The following DLEU7 variants were observed in gnomAD, a reference collection of about 807,000 sequenced individuals.
The protein encoded by DLEU7 is leukemia-associated protein 7.
Under a neutral mutation model 16.0 loss-of-function variants are expected in DLEU7, and 17 were observed. That is an observed-to-expected ratio of 1.06 (90% CI 0.73 to 1.59). DLEU7 has a LOEUF of 1.59. DLEU7 is among the 40% of genes most tolerant of loss of function. The probability of loss-of-function intolerance (pLI) is 0.00; values close to 1 mark genes in which losing one functional copy is unlikely to be tolerated. For synonymous variants in DLEU7, 113 were observed against 139.8 expected (o/e 0.81, Z 1.35); for missense variants, 308 against 314.9 (o/e 0.98, Z 0.17).
chr13:50,835,777 T>A (rs984105122), intron 1 of DLEU7, among the ~76,000 whole-genome samples: 2 of 152,252 alleles, frequency 1.3e-5, no homozygotes, highest in African/African-American at 4.8e-5. Context: ...TTATTAGGAA[T>A]GCACACATCT....
intron 1 of DLEU7, among the ~76,000 whole-genome samples, chr13:50,719,112 A>C (rs1873521017): frequency 6.6e-6 from 1 of 152,226 alleles, no homozygotes; most frequent in Non-Finnish European, 1.5e-5. Flanking sequence ...ATTTGGGAAT[A>C]ATAAAATAAA....
chr13:50,817,137 T>G (rs1876758798), intron 1 of DLEU7, among the ~76,000 whole-genome samples: 1 of 152,056 alleles, frequency 6.6e-6, no homozygotes, highest in African/African-American at 2.4e-5. Context: ...AAAAAGAAAA[T>G]AAAGCCGTGA....
intron 1 of DLEU7, among the ~76,000 whole-genome samples, chr13:50,752,178 A>T (rs1874588953): frequency 6.6e-6 from 1 of 150,460 alleles, no homozygotes; most frequent in Non-Finnish European, 1.5e-5. Context: ...CAGCCTCCCT[A>T]GTAGCTGGGA....
At chr13:50,724,502 T>C (rs1001721655) in intron 1 of DLEU7, among the ~76,000 whole-genome samples, 2 of 151,504 alleles carry the variant, frequency 1.3e-5, no homozygotes, top group Admixed American at 1.3e-4. Context: ...TTCCTACGGA[T>C]GAAATCTGGC....
intron 1 of DLEU7, among the ~76,000 whole-genome samples, chr13:50,763,655 C>T (rs1293270776): frequency 3.3e-5 from 5 of 152,202 alleles, no homozygotes; most frequent in Non-Finnish European, 7.3e-5. Context: ...ACTCAGCCAG[C>T]CACACTGCCC....
intron 1 of DLEU7, among the ~76,000 whole-genome samples, chr13:50,768,252 G>C (rs1875179399): frequency 6.6e-6 from 1 of 151,758 alleles, no homozygotes; most frequent in Non-Finnish European, 1.5e-5. Context: ...GCTCTATATA[G>C]AATTTCAAGT....
At chr13:50,753,092 G>A (rs1338015522) in intron 1 of DLEU7, among the ~76,000 whole-genome samples, 6 of 136,440 alleles carry the variant, frequency 4.4e-5, no homozygotes, top group Admixed American at 4.3e-4. Flanking sequence ...GTCGATTGGT[G>A]CATTCACAAA....
At chr13:50,815,362 A>G (rs1469659963) in intron 1 of DLEU7, among the ~76,000 whole-genome samples, 1 of 152,152 alleles carries the variant, frequency 6.6e-6, no homozygotes, top group Non-Finnish European at 1.5e-5. Flanking sequence ...AAACCTATAT[A>G]TCAGTCTACT....
At chr13:50,752,053 T>C (rs1284030868) in intron 1 of DLEU7, among the ~76,000 whole-genome samples, 3 of 32,138 alleles carry the variant, frequency 9.3e-5, no homozygotes, top group Non-Finnish European at 1.6e-4. Flanking sequence ...TCTTTCAGTC[T>C]TTTTTTTTTT....
At position 50,843,499 on chromosome 13, in the gene DLEU7, G is replaced by C. The variant is rs1296403442; in HGVS notation, c.148C>G (p.Pro50Ala). The change falls in exon 1 of 2, where the codon CCA (proline) becomes GCA (alanine). Residue 50 changes from proline to alanine, a missense_variant. Physicochemically the swap from Pro to Ala is conservative, Grantham distance 27. Transcript: ENST00000504404. This position sits in a 1 kb window ranked among gnomAD's most constrained non-coding sequence, Gnocchi z 5.7. ...CGCGGCGGGCCTGAGCGACGGGCTG[G>C]AGCGGTGGACACGTGGTCTGGGTCC... ...PRDPDHVSTA[P>A]ARRSGPPRAR... is the part of the protein sequence containing the mutation. 2.2e-5 allele frequency: 31 copies of C among 1,391,978 alleles called. No homozygotes were observed. Among genetic ancestry groups the C allele is most frequent in the East Asian group, 3.1e-5 (1 of 32,292 alleles). 86.2% of individuals were successfully genotyped at this position (1,391,978 alleles called of 1,614,324 possible).
intron 1 of DLEU7, among the ~76,000 whole-genome samples, chr13:50,766,111 A>G (rs1439938017): frequency 1.3e-5 from 2 of 152,220 alleles, no homozygotes; most frequent in African/African-American, 4.8e-5. Context: ...TTGTCTGGCT[A>G]GAGCAACACA....
intron 1 of DLEU7, among the ~76,000 whole-genome samples, chr13:50,759,339 C>T (rs987122217): frequency 2.0e-5 from 3 of 152,164 alleles, no homozygotes; most frequent in Non-Finnish European, 4.4e-5. Flanking sequence ...CCTTCATCTA[C>T]TGGAAGAATG....
At position 50,712,836 on chromosome 13, in the gene DLEU7, A is replaced by G. The variant is rs566072943; in HGVS notation, c.*381T>C. ...GAATGTTGGAAGACAAGAAATTCAG[A>G]CAATACATTCTGAAAAGCGACTATA... On this transcript the variant is annotated 3_prime_UTR_variant, in exon 2 of 2. Coordinates refer to the DLEU7 transcript ENST00000400393. 1.4e-5 allele frequency: 3 copies of G among 211,662 alleles called. No individual in the cohort carries two copies. The East Asian group carries it at 3.4e-4, about 24-fold the overall frequency. The allele number at this position is 211,662 out of a possible 1,614,324, so 13.1% of individuals were successfully genotyped here. A position where few individuals can be genotyped will look rare whatever the true frequency, so the allele number is the denominator to read the frequency against.
downstream of DLEU7, chr13:50,822,610 A>G (rs929937694): frequency 1.6e-4 from 156 of 982,148 alleles, no homozygotes; most frequent in Admixed American, 6.1e-5. Context: ...AATATTTAGA[A>G]ACAGTAAAAG....
intron 1 of DLEU7, among the ~76,000 whole-genome samples, chr13:50,808,875 GAA>G (rs80168974): frequency 2.7e-5 from 4 of 145,916 alleles, no homozygotes; most frequent in African/African-American, 7.4e-5. Context: ...ATTTCAGAAG[GAA>G]AAAAAAAAAC....
Position 50,823,056 on chromosome 13 carries a change from G to T in DLEU7, c.*258C>A. ...TACATAATCAAATCAGCTTCACAAA[G>T]TAGAATGTATTTCAATCAGAAAGTC... is the stretch of plus-strand genomic sequence containing the variant. On this transcript the variant is annotated 3_prime_UTR_variant, in exon 2 of 2. Coordinates refer to ENST00000504404, the MANE Select transcript of DLEU7 (RefSeq NM_001306135.2). 3 of 1,190,016 alleles carry T rather than the reference G, an allele frequency of 2.5e-6. No homozygotes were observed. The highest frequency in any genetic ancestry group is 3.2e-6 in the Non-Finnish European group (3 of 945,068). The allele number at this position is 1,190,016 out of a possible 1,614,324, so 73.7% of individuals were successfully genotyped here.
At chr13:50,736,467 A>G (rs939373690) in intron 1 of DLEU7, among the ~76,000 whole-genome samples, 5 of 152,142 alleles carry the variant, frequency 3.3e-5, no homozygotes, top group African/African-American at 1.2e-4. Context: ...GAGTTTACCT[A>G]TATAACAAAT....
At chr13:50,805,487 GTTA>G (rs779571164) in intron 1 of DLEU7, among the ~76,000 whole-genome samples, 22 of 152,012 alleles carry the variant, frequency 1.4e-4, no homozygotes, top group South Asian at 4.1e-4. Context: ...AATCCTAACA[GTTA>G]TTGTTTTATT....
chr13:50,740,090 G>A (rs1334942380), intron 1 of DLEU7, among the ~76,000 whole-genome samples: 22 of 152,086 alleles, frequency 1.4e-4, no homozygotes, highest in Admixed American at 1.3e-4. Flanking sequence ...GTTCTTTTAA[G>A]CCTGAAAATG....
Sources: allele counts gnomAD v4.1 joint callset (sites outside exome capture counted in the v4.1 genomes callset), GRCh38; gene constraint gnomAD v4.1.1; non-coding constraint Gnocchi (gnomAD v3.1); transcripts MANE v1.5; gene names NCBI Gene and HGNC (gene_info 2026-07-23, HGNC 2026-07-21).